CHCHD6: variants seen among roughly 807,000 people sequenced by gnomAD.
The protein encoded by CHCHD6 is MICOS complex subunit MIC25.
In CHCHD6, 28 loss-of-function variants were observed where a neutral mutation model predicts 32.3. The ratio of observed to expected loss-of-function variants is 0.87; its 90% confidence interval spans 0.64 to 1.19. The LOEUF (loss-of-function observed/expected upper bound fraction) is 1.19. Among genes scored for constraint, CHCHD6 ranks in the 50% most tolerant of loss-of-function variants. CHCHD6 has a pLI of 0.00. For synonymous variants in CHCHD6, 122 were observed against 117.5 expected (o/e 1.04, Z -0.25); for missense variants, 333 against 307.0 (o/e 1.08, Z -0.63).
chr3:126,754,334 A>G (rs1009248365), intron 4 of CHCHD6, among the ~76,000 whole-genome samples: 2 of 152,048 alleles, frequency 1.3e-5, no homozygotes, highest in Non-Finnish European at 2.9e-5. Context: ...TCAGTGCTTC[A>G]CCTGCCATAG....
intron 6 of CHCHD6, among the ~76,000 whole-genome samples, chr3:126,954,547 A>T (rs1447913535): frequency 6.6e-6 from 1 of 152,168 alleles, no homozygotes; most frequent in Non-Finnish European, 1.5e-5. Flanking sequence ...TTTCACATAG[A>T]TCAGTAAGCC....
intron 4 of CHCHD6, among the ~76,000 whole-genome samples, chr3:126,842,267 G>A (rs1225903509): frequency 1.3e-5 from 2 of 152,010 alleles, no homozygotes; most frequent in African/African-American, 4.8e-5. Flanking sequence ...TTTAACCCTG[G>A]GCCCATCCCA....
At chr3:126,753,033 C>T (rs1052764322) in intron 4 of CHCHD6, among the ~76,000 whole-genome samples, 8 of 152,024 alleles carry the variant, frequency 5.3e-5, no homozygotes, top group East Asian at 1.9e-4. Context: ...GGCAGAGGGG[C>T]GGGGGATAGG....
At position 126,855,997 on chromosome 3, in the gene CHCHD6, G is replaced by A. The variant is rs747249808; in HGVS notation, c.495+3267G>A. On this transcript the variant is annotated intron_variant, in intron 5 of 7. Coordinates refer to ENST00000290913, the MANE Select transcript of CHCHD6 (RefSeq NM_032343.3). ...TTTCACTTAGCACTCTCCCTAACAG[G>A]TTCTACCTGGCAACCTTCATTTAAA... is the stretch of plus-strand genomic sequence containing the variant. Among the ~76,000 whole-genome samples, 143 of 152,212 alleles carry A rather than the reference G, an allele frequency of 9.4e-4. 3 individuals carry two copies. The Middle Eastern group carries it at 0.01, about 11-fold the overall frequency.
chr3:126,761,627 A>G (rs779533027), intron 4 of CHCHD6, among the ~76,000 whole-genome samples: 2 of 151,920 alleles, frequency 1.3e-5, no homozygotes, highest in African/African-American at 4.8e-5. Context: ...GGGTCTTGCT[A>G]TGTTGACCAG....
At chr3:126,920,002 A>G (rs1371914277) in intron 6 of CHCHD6, among the ~76,000 whole-genome samples, 1 of 151,806 alleles carries the variant, frequency 6.6e-6, no homozygotes, top group Non-Finnish European at 1.5e-5. Flanking sequence ...CCTCTTTTCT[A>G]AGGTTATATG....
chr3:126,816,704 A>T (rs1263124516), intron 4 of CHCHD6, among the ~76,000 whole-genome samples: 1 of 151,902 alleles, frequency 6.6e-6, no homozygotes, highest in Non-Finnish European at 1.5e-5. Context: ...TTATTTATTT[A>T]TTTTTTTATA....
chr3:126,708,670 T>C (rs986971362), intron 1 of CHCHD6, among the ~76,000 whole-genome samples: 2 of 146,068 alleles, frequency 1.4e-5, no homozygotes, highest in African/African-American at 5.1e-5. Flanking sequence ...AAAAAAAAGC[T>C]TTATTGGGAT....
chr3:126,849,131 C>T (rs1941386665), intron 4 of CHCHD6, among the ~76,000 whole-genome samples: 1 of 152,204 alleles, frequency 6.6e-6, no homozygotes, highest in Non-Finnish European at 1.5e-5. Flanking sequence ...AAACCCTGGC[C>T]CTCAGTGGAG....
intron 4 of CHCHD6, among the ~76,000 whole-genome samples, chr3:126,765,128 A>AAAC (rs1039498767): frequency 2.6e-5 from 4 of 152,216 alleles, no homozygotes; most frequent in African/African-American, 7.2e-5. Flanking sequence ...TAGCAAATGC[A>AAAC]AACAACAACA....
intron 5 of CHCHD6, among the ~76,000 whole-genome samples, chr3:126,906,439 G>A (rs914677001): frequency 2.6e-5 from 4 of 152,194 alleles, no homozygotes; most frequent in Non-Finnish European, 5.9e-5. Context: ...CGGGCTCTGC[G>A]GCTTGAGGCC....
intron 4 of CHCHD6, among the ~76,000 whole-genome samples, chr3:126,837,605 CA>C (rs1336706892): frequency 6.6e-6 from 1 of 152,126 alleles, no homozygotes; most frequent in Admixed American, 6.5e-5. Flanking sequence ...ATATCTATTT[CA>C]CTAGGTTATT....
At chr3:126,862,211 T>TCATCACCACCTCCTCCTCCTCCTC (rs1438714125) in intron 5 of CHCHD6, among the ~76,000 whole-genome samples, 1 of 35,688 alleles carries the variant, frequency 2.8e-5, no homozygotes, top group African/African-American at 1.1e-4. Context: ...TCCTCCACCA[T>TCATCACCACCTCCTCCTCCTCCTC]CATCACCACC....
intron 6 of CHCHD6, chr3:126,957,199 G>A: frequency 1.7e-6 from 1 of 604,836 alleles, no homozygotes; most frequent in Non-Finnish European, 2.9e-6. Context: ...GCTATATTGT[G>A]AGCCTAAGCC....
intron 5 of CHCHD6, among the ~76,000 whole-genome samples, chr3:126,904,324 G>C (rs2077974568): frequency 6.6e-6 from 1 of 152,074 alleles, no homozygotes; most frequent in Non-Finnish European, 1.5e-5. Context: ...GTCTCCTCTG[G>C]GGCTCCCCTG....
intron 4 of CHCHD6, among the ~76,000 whole-genome samples, chr3:126,817,973 T>C (rs984157269): frequency 6.6e-6 from 1 of 152,246 alleles, no homozygotes; most frequent in Non-Finnish European, 1.5e-5. Context: ...ATTTGGCCAC[T>C]ACCCAGCTGT....
At chr3:126,848,211 A>G (rs903693609) in intron 4 of CHCHD6, among the ~76,000 whole-genome samples, 2 of 152,204 alleles carry the variant, frequency 1.3e-5, no homozygotes, top group Admixed American at 6.5e-5. Context: ...CCTGGACTCA[A>G]GCAATCCTCC....
rs753154883 is a variant in CHCHD6, at chr3:126,727,203, A to G, written c.196+17A>G. The G allele has an allele frequency of 2.0e-6, 3 of 1,535,432 alleles. No homozygotes were observed. The highest frequency in any genetic ancestry group is 2.7e-6 in the Non-Finnish European group (3 of 1,108,654). ...CTCACAAAGGTATGGGGATTGTGACAGTTCTGTGGAGTGTGGAGAGACAGT... is the reference window on the plus strand; with the variant it reads ...CTCACAAAGGTATGGGGATTGTGACGGTTCTGTGGAGTGTGGAGAGACAGT... On this transcript the variant is annotated intron_variant, in intron 2 of 7. Coordinates refer to ENST00000290913, the MANE Select transcript of CHCHD6 (RefSeq NM_032343.3).
At chr3:126,866,612 G>C (rs1942296602) in intron 5 of CHCHD6, among the ~76,000 whole-genome samples, 1 of 152,222 alleles carries the variant, frequency 6.6e-6, no homozygotes, top group Admixed American at 6.5e-5. Context: ...TTCACCAGTT[G>C]ACTCTACTGG....
Sources: gnomAD v4.1 joint callset for allele counts (sites outside exome capture counted in the v4.1 genomes callset) on GRCh38, gnomAD v4.1.1 for gene constraint, MANE v1.5 for transcripts, NCBI Gene and HGNC (gene_info 2026-07-23, HGNC 2026-07-21) for gene names.